AKAP6: variants seen among roughly 807,000 people sequenced by gnomAD.
AKAP6 encodes the protein A-kinase anchor protein 6.
AKAP6 carries 58 observed loss-of-function variants against 188.5 expected under a neutral mutation model. That is an observed-to-expected ratio of 0.31 (90% CI 0.25 to 0.38). The LOEUF is 0.38. Ranked by LOEUF, AKAP6 falls within the 10% of genes least tolerant of loss-of-function variation. The pLI is 1.00. For synonymous variants in AKAP6, 989 were observed against 998.6 expected, an observed-to-expected ratio of 0.99 and a Z score of 0.18; for missense variants, 2,710 against 2,740.0, an observed-to-expected ratio of 0.99 and a Z score of 0.24.
chr14:32,760,130 T>C (rs1200204992), intron 11 of AKAP6, among the ~76,000 whole-genome samples: 2 of 152,184 alleles, frequency 1.3e-5, no homozygotes, highest in African/African-American at 4.8e-5. Flanking sequence ...GGTTGTTTCA[T>C]GCAAATTATT....
At chr14:32,477,249 G>A (rs1879115634) in intron 2 of AKAP6, among the ~76,000 whole-genome samples, 1 of 152,154 alleles carries the variant, frequency 6.6e-6, no homozygotes, top group South Asian at 2.1e-4. Context: ...AACATCTCAT[G>A]ACCCTAACTT....
At chr14:32,515,271 C>T (rs1352926164) in intron 2 of AKAP6, among the ~76,000 whole-genome samples, 1 of 152,064 alleles carries the variant, frequency 6.6e-6, no homozygotes, top group Non-Finnish European at 1.5e-5. Flanking sequence ...GGGGAAACTG[C>T]CCCCATGATT....
chr14:32,452,920 G>C (rs531729660), intron 2 of AKAP6, among the ~76,000 whole-genome samples: 6 of 152,256 alleles, frequency 3.9e-5, no homozygotes, highest in African/African-American at 1.4e-4. Flanking sequence ...TTTAAAAAAT[G>C]AAAGTGCTAC....
chr14:32,538,604 TAAAC>T (rs1882787977), intron 3 of AKAP6, among the ~76,000 whole-genome samples: 4 of 152,098 alleles, frequency 2.6e-5, no homozygotes, highest in African/African-American at 9.7e-5. Context: ...AGTCAATAAC[TAAAC>T]AAACAAATAA....
intron 1 of AKAP6, among the ~76,000 whole-genome samples, chr14:32,378,193 T>C (rs1183055684): frequency 4.8e-5 from 1 of 20,880 alleles, no homozygotes; most frequent in Non-Finnish European, 2.2e-4. Context: ...CCATATTATA[T>C]AGGGGAAAAA....
intron 11 of AKAP6, among the ~76,000 whole-genome samples, chr14:32,769,213 A>G (rs370541761): frequency 7.3e-5 from 11 of 151,042 alleles, no homozygotes; most frequent in East Asian, 3.9e-4. Context: ...ACACCCAGCT[A>G]ATTTTTATAT....
intron 5 of AKAP6, among the ~76,000 whole-genome samples, chr14:32,597,688 T>G (rs1885761489): frequency 6.6e-6 from 1 of 152,172 alleles, no homozygotes; most frequent in Admixed American, 6.6e-5. Flanking sequence ...AAACCTGATA[T>G]TGTCACTTTC....
intron 2 of AKAP6, among the ~76,000 whole-genome samples, chr14:32,522,477 TAAAC>T (rs1325256153): frequency 1.4e-5 from 2 of 146,728 alleles, no homozygotes; most frequent in Non-Finnish European, 3.0e-5. Flanking sequence ...ACAAAGAACT[TAAAC>T]AAACTTACAA....
rs183485704 is a variant in AKAP6 at position 32,426,694 on chromosome 14, C to T, written c.-34-6766C>T. The stretch of plus-strand genomic sequence containing the variant: ...GAGTCCAGGTCCACATATTGATGAC[C>T]GTGGGTGCCACTGCGGCTGCCTGCC... On this transcript the variant is annotated intron_variant, in intron 1 of 13. Transcript: ENST00000280979. Among the ~76,000 whole-genome samples the T allele has an allele frequency of 1.1e-3, 175 of 152,216 alleles. 2 individuals are homozygous for T. The highest frequency in any genetic ancestry group is 2.3e-3 in the Non-Finnish European group (154 of 68,024).
At chr14:32,483,264 T>TATAA (rs985092195) in intron 2 of AKAP6, among the ~76,000 whole-genome samples, 76 of 152,280 alleles carry the variant, frequency 5.0e-4, no homozygotes, top group African/African-American at 1.7e-3. Flanking sequence ...TGTATAATCT[T>TATAA]TATTATAATA....
At chr14:32,697,351 T>C (rs1013790115) in intron 9 of AKAP6, among the ~76,000 whole-genome samples, 3 of 152,194 alleles carry the variant, frequency 2.0e-5, no homozygotes, top group Non-Finnish European at 4.4e-5. Context: ...GTTTGTTGAC[T>C]GTTAGCTGTT....
At chr14:32,800,778 G>A (rs987004272) in intron 12 of AKAP6, among the ~76,000 whole-genome samples, 1 of 152,096 alleles carries the variant, frequency 6.6e-6, no homozygotes, top group Non-Finnish European at 1.5e-5. Flanking sequence ...ATTTTGGGAG[G>A]CCAAAGTGTC....
At chr14:32,639,122 T>C (rs1887649336) in intron 7 of AKAP6, among the ~76,000 whole-genome samples, 1 of 152,116 alleles carries the variant, frequency 6.6e-6, no homozygotes. Context: ...CTATTGCTAT[T>C]GAGTGGTTCA....
chr14:32,410,829 G>A (rs1889458071), intron 1 of AKAP6, among the ~76,000 whole-genome samples: 1 of 152,092 alleles, frequency 6.6e-6, no homozygotes, highest in Non-Finnish European at 1.5e-5. Context: ...AGATGATGTT[G>A]TTAGAAAGAT....
Position 32,822,096 on chromosome 14 carries a change from C to T in AKAP6, c.4283C>T (p.Ser1428Leu), listed in dbSNP as rs537245618. The T allele has an allele frequency of 6.7e-5, 108 of 1,613,862 alleles. 1 individual carries two copies. The South Asian group carries it at 7.2e-4, about 11-fold the overall frequency. The change falls in exon 13 of 14, where the codon TCG becomes TTG. Residue 1428 changes from serine (S) to leucine (L), a missense_variant. Ser to Leu is a moderately radical substitution (Grantham distance 145). Transcript: ENST00000280979. ...ATTAAGCTTCCAAATAGCTCTCAGT[C>T]GTCCATTTCACCAGTGGGTTGTGTA... ...ESIKLPNSSQ[S>L]SISPVGCVNG...
chr14:32,818,216 A>G (rs2034435721), intron 12 of AKAP6, among the ~76,000 whole-genome samples: 1 of 152,166 alleles, frequency 6.6e-6, no homozygotes, highest in Non-Finnish European at 1.5e-5. Context: ...CAATAAATAT[A>G]AGAGGTTTAT....
At chr14:32,650,658 A>G (rs1888180913) in intron 7 of AKAP6, among the ~76,000 whole-genome samples, 1 of 152,092 alleles carries the variant, frequency 6.6e-6, no homozygotes, top group Non-Finnish European at 1.5e-5. Flanking sequence ...ATTTACCAAA[A>G]TTCATGTCAC....
At chr14:32,563,491 G>T (rs555726863) in intron 4 of AKAP6, among the ~76,000 whole-genome samples, 86 of 151,716 alleles carry the variant, frequency 5.7e-4, no homozygotes, top group African/African-American at 1.3e-3. Flanking sequence ...TTAGTACTGT[G>T]GGGGGGGAAG....
chr14:32,631,246 A>G (rs1180650631), intron 7 of AKAP6, among the ~76,000 whole-genome samples: 1 of 151,986 alleles, frequency 6.6e-6, no homozygotes, highest in Non-Finnish European at 1.5e-5. Context: ...CCCCGTATAT[A>G]AGATTAAGAT....
Sources: allele counts gnomAD v4.1 joint callset (sites outside exome capture counted in the v4.1 genomes callset), GRCh38; gene constraint gnomAD v4.1.1; transcripts MANE v1.5; gene names NCBI Gene and HGNC (gene_info 2026-07-23, HGNC 2026-07-21).